The following RTN4IP1 variants were observed in gnomAD, a reference collection of about 807,000 sequenced individuals.
RTN4IP1 encodes the protein NAD(P)H oxidoreductase RTN4IP1, mitochondrial.
In RTN4IP1, 32 loss-of-function variants were observed where a neutral mutation model predicts 46.6. The ratio of observed to expected loss-of-function variants is 0.69; its 90% confidence interval spans 0.52 to 0.92. The LOEUF (loss-of-function observed/expected upper bound fraction) is 0.92, where lower values mean the gene tolerates loss of function less well. Among genes scored for constraint, RTN4IP1 ranks in the 40% least tolerant of loss-of-function variants. The probability of loss-of-function intolerance (pLI) is 0.00; values close to 1 mark genes in which losing one functional copy is unlikely to be tolerated. For synonymous variants in RTN4IP1, 167 were observed against 161.8 expected (o/e 1.03, Z -0.24); for missense variants, 424 against 485.8 (o/e 0.87, Z 1.20).
chr6:106,609,006 T>C (rs1284139057), intron 4 of RTN4IP1, among the ~76,000 whole-genome samples: 1 of 152,216 alleles, frequency 6.6e-6, no homozygotes, highest in Non-Finnish European at 1.5e-5. Context: ...CCCCCTACAT[T>C]GCACACACAC....
intron 4 of RTN4IP1, among the ~76,000 whole-genome samples, chr6:106,613,584 A>C (rs979905468): frequency 2.6e-5 from 4 of 152,238 alleles, no homozygotes; most frequent in Non-Finnish European, 5.9e-5. Flanking sequence ...AAAACGTGAA[A>C]TGCCTTGAAA....
intron 6 of RTN4IP1, among the ~76,000 whole-genome samples, chr6:106,590,513 G>A (rs756043611): frequency 1.3e-5 from 2 of 151,178 alleles, no homozygotes; most frequent in South Asian, 2.1e-4. Context: ...TCAGGAGTTC[G>A]AGACCAGCCT....
intron 4 of RTN4IP1, among the ~76,000 whole-genome samples, chr6:106,603,814 G>C (rs1293972464): frequency 6.6e-6 from 1 of 152,088 alleles, no homozygotes; most frequent in Non-Finnish European, 1.5e-5. Context: ...ACTTGGACTG[G>C]ATGGTTTCAA....
At chr6:106,612,922 C>G (rs905182567) in intron 4 of RTN4IP1, among the ~76,000 whole-genome samples, 13 of 152,360 alleles carry the variant, frequency 8.5e-5, no homozygotes, top group African/African-American at 3.1e-4. Flanking sequence ...CAAACATGCG[C>G]TCGCCATTGT....
At chr6:106,602,670 T>C (rs1746531877) in intron 5 of RTN4IP1, among the ~76,000 whole-genome samples, 1 of 152,164 alleles carries the variant, frequency 6.6e-6, no homozygotes, top group South Asian at 2.1e-4. Context: ...CACTCCAGCC[T>C]GGGTGACACA....
chr6:106,583,614 T>C (rs1300063522), intron 7 of RTN4IP1, 194 bp from the exon 8 acceptor site: 4 of 510,628 alleles, frequency 7.8e-6, no homozygotes, highest in Non-Finnish European at 1.4e-5. Flanking sequence ...AATAAATAAA[T>C]AACTGAACAA....
intron 5 of RTN4IP1, among the ~76,000 whole-genome samples, chr6:106,597,824 T>C (rs1775836559): frequency 1.3e-5 from 2 of 152,032 alleles, no homozygotes; most frequent in African/African-American, 2.4e-5. Flanking sequence ...TAGGTATATC[T>C]CCCAACGCTA....
rs146877022 is a variant in RTN4IP1, at chr6:106,617,981, C to T, written c.620+1221G>A. Reference sequence around the variant, plus strand: ...ATTAGAAAAATCTATGTGGTCAAAACTAATTTAATTTAAACAAAGTGTTGA... The same window carrying T: ...ATTAGAAAAATCTATGTGGTCAAAATTAATTTAATTTAAACAAAGTGTTGA... On this transcript the variant is annotated intron_variant, in intron 4 of 8. Transcript: ENST00000369063. Among the ~76,000 whole-genome samples, 96 of 152,216 alleles carry T rather than the reference C, an allele frequency of 6.3e-4. 1 individual carries two copies. Among genetic ancestry groups the T allele is most frequent in the African/African-American group, 2.2e-3 (90 of 41,526 alleles).
At chr6:106,614,826 T>A (rs925097463) in intron 4 of RTN4IP1, among the ~76,000 whole-genome samples, 1 of 152,104 alleles carries the variant, frequency 6.6e-6, no homozygotes, top group African/African-American at 2.4e-5. Flanking sequence ...AGAAGCTAGA[T>A]TACAGTCCAT....
In RTN4IP1 at chr6:106,583,404, A is replaced by T. The variant is rs756992664; in HGVS notation, c.1007T>A (p.Val336Asp). Reference sequence around the variant, plus strand: ...CATGAAAAATGCCCAGCGATAATGGACTCCTTTCCAGAAATGCTAAAAAGA... The same window carrying T: ...CATGAAAAATGCCCAGCGATAATGGTCTCCTTTCCAGAAATGCTAAAAAGA... ...SKALKHFWKG[V>D]HYRWAFFMAS... The change falls in exon 8 of 9, where the codon GTC becomes GAC. Residue 336 changes from valine (V) to aspartate (D), a missense_variant. Physicochemically the swap from Val to Asp is radical, Grantham distance 152. Transcript: ENST00000369063. The T allele has an allele frequency of 1.9e-6, 3 of 1,612,668 alleles. No individual in the cohort carries two copies. The highest frequency in any genetic ancestry group is 1.7e-6 in the Non-Finnish European group (2 of 1,179,076).
At chr6:106,572,364 T>C (rs1212483458) in intron 8 of RTN4IP1, 1 of 430,366 alleles carries the variant, frequency 2.3e-6, no homozygotes, top group Admixed American at 3.8e-5. Context: ...CTCTCCTACT[T>C]AGAACCGTTC....
intron 8 of RTN4IP1, among the ~76,000 whole-genome samples, chr6:106,576,482 C>A (rs187118282): frequency 6.6e-6 from 1 of 152,308 alleles, no homozygotes; most frequent in East Asian, 1.9e-4. Context: ...GCAAGGCAGC[C>A]CTCTTCCAGT....
chr6:106,624,941 AAAAAAAAAAAG>A (rs1227092949), intron 1 of RTN4IP1, among the ~76,000 whole-genome samples: 28 of 142,510 alleles, frequency 2.0e-4, no homozygotes, highest in Middle Eastern at 3.6e-3. Context: ...GTCTCAAAAA[AAAAAAAAAAAG>A]AAAAAGAAAA....
chr6:106,627,688 A>G lies in RTN4IP1; in HGVS notation c.274+1060T>C, dbSNP rs1032664572. ...TGGTAGTAGCAATTACTACTTCAAA[A>G]CAAAGAATACAAACGTAGACTTCAT... On this transcript the variant is annotated intron_variant, in intron 1 of 8. Transcript: ENST00000369063. 3.3e-5 allele frequency among the ~76,000 whole-genome samples: 5 copies of G among 150,838 alleles called. 1 individual carries two copies. The highest frequency in any genetic ancestry group is 1.3e-4 in the Admixed American group (2 of 15,184).
At chr6:106,574,585 T>C (rs77389794) in intron 8 of RTN4IP1, among the ~76,000 whole-genome samples, 15,253 of 152,020 alleles carry the variant, frequency 0.1, 789 homozygotes, top group East Asian at 0.11. Flanking sequence ...AAATGCAGAG[T>C]CCAAGGCCTC....
intron 8 of RTN4IP1, among the ~76,000 whole-genome samples, chr6:106,572,782 GTTTTTTCT>G (rs1562127171): frequency 4.2e-5 from 6 of 142,774 alleles, no homozygotes; most frequent in Non-Finnish European, 6.2e-5. Context: ...TTTTTTTTTT[GTTTTTTCT>G]TTGTTTTTAA....
chr6:106,623,782 T>A (rs973730640), intron 1 of RTN4IP1, among the ~76,000 whole-genome samples: 1 of 152,234 alleles, frequency 6.6e-6, no homozygotes, highest in Non-Finnish European at 1.5e-5. Context: ...CATGTCTTTA[T>A]TAACGTACTC....
rs141278421 is a variant in RTN4IP1, at chr6:106,585,443, G to A, written c.991-2023C>T. ...GATCTGTTCAAATACTTTTCCCTAA[G>A]GTCTGGCTTCATAGACTGCAATTAA... is the stretch of plus-strand genomic sequence containing the variant. On this transcript the variant is annotated intron_variant, in intron 7 of 8. Transcript: ENST00000369063. Among the ~76,000 whole-genome samples the A allele has an allele frequency of 3.4e-3, 511 of 152,282 alleles. 4 individuals are homozygous for A. The highest frequency in any genetic ancestry group is 0.012 in the African/African-American group (479 of 41,544).
At chr6:106,622,738 CA>C in intron 2 of RTN4IP1, 79 bp downstream of exon 2, 13 of 1,426,828 alleles carry the variant, frequency 9.1e-6, no homozygotes, top group Non-Finnish European at 9.5e-6. Flanking sequence ...GTATCTGTGT[CA>C]GTGTGCGTCT....
Sources: allele counts gnomAD v4.1 joint callset (sites outside exome capture counted in the v4.1 genomes callset), GRCh38; gene constraint gnomAD v4.1.1; transcripts MANE v1.5; gene names NCBI Gene and HGNC (gene_info 2026-07-23, HGNC 2026-07-21).